The following TSG101 variants were observed in gnomAD, a reference collection of about 807,000 sequenced individuals.
TSG101 encodes the protein tumor susceptibility gene 101 protein.
TSG101 carries 19 observed loss-of-function variants against 48.5 expected under a neutral mutation model. The observed-to-expected ratio is 0.39, with a 90% CI of 0.27 to 0.58. TSG101 has a LOEUF of 0.58. TSG101 is among the 20% of genes least tolerant of loss of function. The pLI is 0.55. For synonymous variants in TSG101, 174 were observed against 169.4 expected (o/e 1.03, Z -0.21); for missense variants, 365 against 484.4 (o/e 0.75, Z 2.31).
intron 7 of TSG101, among the ~76,000 whole-genome samples, chr11:18,494,111 A>C (rs563712747): frequency 3.9e-5 from 6 of 152,372 alleles, no homozygotes; most frequent in African/African-American, 4.8e-5. Flanking sequence ...CATAAAAATT[A>C]AAGTTTTCAA....
chr11:18,486,858 G>A (rs1849627290), intron 7 of TSG101, among the ~76,000 whole-genome samples: 1 of 152,052 alleles, frequency 6.6e-6, no homozygotes, highest in Non-Finnish European at 1.5e-5. Flanking sequence ...GCAAAGACTT[G>A]GAACCAACCC....
intron 1 of TSG101, 94 bp downstream of exon 1, chr11:18,526,681 T>C (rs552536614): frequency 1.4e-6 from 2 of 1,474,744 alleles, no homozygotes; most frequent in African/African-American, 1.4e-5. Flanking sequence ...CCGGCCCGTC[T>C]GGGAAGCTTG....
intron 6 of TSG101, among the ~76,000 whole-genome samples, chr11:18,505,663 T>C (rs770531038): frequency 3.9e-5 from 6 of 152,326 alleles, no homozygotes; most frequent in Admixed American, 3.3e-4. Context: ...ATTTCATTGT[T>C]AATTTAATTT....
At chr11:18,481,920 G>A (rs1849547391) in intron 8 of TSG101, 51 bp from the exon 9 acceptor site, 6 of 1,592,490 alleles carry the variant, frequency 3.8e-6, no homozygotes, top group Admixed American at 1.7e-5. Context: ...TTATCCACTT[G>A]TCAGACACCT....
chr11:18,484,855 A>C (rs1212948911), intron 7 of TSG101, among the ~76,000 whole-genome samples: 1 of 152,062 alleles, frequency 6.6e-6, no homozygotes, highest in Non-Finnish European at 1.5e-5. Context: ...CAAATGTGTA[A>C]ATGGCATTTT....
chr11:18,519,120 C>A (rs996647687), intron 2 of TSG101, among the ~76,000 whole-genome samples: 1 of 152,186 alleles, frequency 6.6e-6, no homozygotes, highest in East Asian at 1.9e-4. Flanking sequence ...TCAAGCAATC[C>A]TTCCACCTCA....
intron 1 of TSG101, chr11:18,525,542 A>G: frequency 8.1e-5 from 14 of 173,610 alleles, no homozygotes; most frequent in East Asian, 4.1e-4. Flanking sequence ...CAAGACTCTA[A>G]AAAAAAAAAA....
intron 5 of TSG101, chr11:18,508,856 A>G (rs561259412): frequency 1.6e-4 from 24 of 152,248 alleles, no homozygotes; most frequent in Middle Eastern, 3.4e-3. Flanking sequence ...AAAAAAAAAA[A>G]AGTCACAGCT....
In TSG101 at chr11:18,484,092, A is replaced by G; in HGVS notation, c.641-20T>C. 6.2e-7 allele frequency: 1 copy of G among 1,612,166 alleles called. No individual in the cohort carries two copies. The highest frequency in any genetic ancestry group is 8.5e-7 in the Non-Finnish European group (1 of 1,178,364). Reference sequence around the variant, plus strand: ...TGGGACCTGCAGGAAACAGAGGCAAAAAACACTTGCTTACTTCCCAAGTTC... The same window carrying G: ...TGGGACCTGCAGGAAACAGAGGCAAGAAACACTTGCTTACTTCCCAAGTTC... On this transcript the variant is annotated intron_variant, in intron 7 of 9. Transcript: ENST00000251968.
intron 7 of TSG101, among the ~76,000 whole-genome samples, chr11:18,497,724 A>G (rs1400755863): frequency 6.6e-6 from 1 of 152,228 alleles, no homozygotes; most frequent in African/African-American, 2.4e-5. Context: ...AGAGAGCTTC[A>G]CCAGATTTAG....
intron 7 of TSG101, among the ~76,000 whole-genome samples, chr11:18,500,810 C>T (rs1174689680): frequency 2.7e-5 from 4 of 147,748 alleles, no homozygotes; most frequent in Non-Finnish European, 4.5e-5. Flanking sequence ...TGTGCAGAAG[C>T]TTTTTTTTTT....
intron 4 of TSG101, among the ~76,000 whole-genome samples, chr11:18,513,119 G>A (rs1850116439): frequency 6.6e-6 from 1 of 152,026 alleles, no homozygotes. Flanking sequence ...AGCCTAGGAT[G>A]TTTACTTGTT....
At chr11:18,522,341 T>C (rs912624966) in intron 1 of TSG101, among the ~76,000 whole-genome samples, 1 of 152,216 alleles carries the variant, frequency 6.6e-6, no homozygotes, top group African/African-American at 2.4e-5. Flanking sequence ...CCAAATTTAC[T>C]TCTCCAGTGT....
chr11:18,503,831 CAATT>C (rs2133919881), intron 6 of TSG101, among the ~76,000 whole-genome samples: 2 of 152,252 alleles, frequency 1.3e-5, no homozygotes, highest in Admixed American at 1.3e-4. Context: ...CAATAAATCT[CAATT>C]AATCCTATTT....
intron 7 of TSG101, among the ~76,000 whole-genome samples, chr11:18,487,518 G>C (rs555878232): frequency 6.6e-6 from 1 of 152,110 alleles, no homozygotes; most frequent in Admixed American, 6.5e-5. Context: ...ACATTAGATC[G>C]TTTCTGTAAC....
chr11:18,486,245 C>T (rs931789573), intron 7 of TSG101, among the ~76,000 whole-genome samples: 14 of 152,226 alleles, frequency 9.2e-5, no homozygotes, highest in African/African-American at 2.9e-4. Flanking sequence ...CGGGAACCAG[C>T]GGGTAAGCCA....
intron 5 of TSG101, chr11:18,508,598 C>A (rs1287350037): frequency 6.6e-6 from 1 of 152,044 alleles, no homozygotes; most frequent in Non-Finnish European, 1.5e-5. Context: ...ATTACCAGTA[C>A]CTTTACTAAA....
chr11:18,518,683 G>C (rs1850218716), intron 2 of TSG101, among the ~76,000 whole-genome samples: 1 of 151,774 alleles, frequency 6.6e-6, no homozygotes, highest in East Asian at 1.9e-4. Flanking sequence ...CGCAAAATGT[G>C]TTCCTGAAAA....
At chr11:18,517,723 C>G (rs913655615) in intron 2 of TSG101, among the ~76,000 whole-genome samples, 5 of 152,150 alleles carry the variant, frequency 3.3e-5, no homozygotes, top group African/African-American at 1.2e-4. Context: ...GTAGGATATA[C>G]CATCTAGGTT....
Sources: allele counts gnomAD v4.1 joint callset (sites outside exome capture counted in the v4.1 genomes callset), GRCh38; gene constraint gnomAD v4.1.1; transcripts MANE v1.5; gene names NCBI Gene and HGNC (gene_info 2026-07-23, HGNC 2026-07-21).